The following GRHL3 variants were observed in gnomAD, a reference collection of about 807,000 sequenced individuals.
GRHL3 encodes the protein grainyhead like transcription factor 3, also known as grainyhead-like protein 3 homolog.
A neutral mutation model predicts 70.3 loss-of-function variants in GRHL3; 20 were observed. That is an observed-to-expected ratio of 0.28 (90% CI 0.20 to 0.41). GRHL3 has a LOEUF of 0.41. Ranked by LOEUF, GRHL3 falls within the 10% of genes least tolerant of loss-of-function variation. GRHL3 has a pLI of 1.00. For synonymous variants in GRHL3, 299 were observed against 299.9 expected (o/e 1.00, Z 0.03); for missense variants, 637 against 762.3 (o/e 0.84, Z 1.94).
rs1639172287 is a variant in GRHL3, at chr1:24,321,235, G to T, written c.17+1667G>T. Reference sequence around the variant, plus strand: ...GTTTCTTGCTTTTCTCCTCCCTAATGGTTTGGATTTGAAGTCAGATCCGCT... The same window carrying T: ...GTTTCTTGCTTTTCTCCTCCCTAATTGTTTGGATTTGAAGTCAGATCCGCT... On this transcript the variant is annotated intron_variant, in intron 1 of 15. Transcript: ENST00000361548. This position sits in a 1 kb window ranked among gnomAD's most constrained non-coding sequence, Gnocchi z 4.0. Among the ~76,000 whole-genome samples the T allele has an allele frequency of 6.6e-6, 1 of 152,188 alleles. No homozygotes were observed. The highest frequency in any genetic ancestry group is 2.4e-5 in the African/African-American group (1 of 41,428).
In GRHL3 at chr1:24,354,591, A is replaced by G; in HGVS notation, c.*103A>G. On this transcript the variant is annotated 3_prime_UTR_variant, in exon 16 of 16. Coordinates refer to ENST00000361548, the MANE Select transcript of GRHL3 (RefSeq NM_198173.3). Reference sequence around the variant, plus strand: ...CACATGCCTCAGCGCTGTTACTTGAATGCCTTCCCTGAGGGAAGAGGCCCT... The same window carrying G: ...CACATGCCTCAGCGCTGTTACTTGAGTGCCTTCCCTGAGGGAAGAGGCCCT... 1 of 730,138 alleles carries G rather than the reference A, an allele frequency of 1.4e-6. No individual in the cohort carries two copies. Among genetic ancestry groups the G allele is most frequent in the Non-Finnish European group, 2.4e-6 (1 of 418,438 alleles). The allele number at this position is 730,138 out of a possible 1,614,324, so 45.2% of individuals were successfully genotyped here. A position where few individuals can be genotyped will look rare whatever the true frequency, so the allele number is the denominator to read the frequency against.
chr1:24,348,535 G>T (rs187481921), intron 14 of GRHL3, among the ~76,000 whole-genome samples: 137 of 152,292 alleles, frequency 9.0e-4, no homozygotes, highest in African/African-American at 3.1e-3. Context: ...AGAGGCTTTG[G>T]GTTGGACAAT....
At chr1:24,361,730 T>C (rs1055145139) in intron 15 of GRHL3, among the ~76,000 whole-genome samples, 3 of 152,166 alleles carry the variant, frequency 2.0e-5, no homozygotes, top group African/African-American at 7.2e-5. Context: ...CTTCCCCTCC[T>C]TCCAGAAAGG....
At chr1:24,347,348 A>T in intron 13 of GRHL3, 120 bp from the exon 14 acceptor site, 1 of 863,518 alleles carries the variant, frequency 1.2e-6, no homozygotes, top group Non-Finnish European at 1.9e-6. Flanking sequence ...AGGGCCTCCC[A>T]GCTGGGCAAA....
At chr1:24,326,653 A>G (rs1167718184) in intron 1 of GRHL3, among the ~76,000 whole-genome samples, 3 of 152,188 alleles carry the variant, frequency 2.0e-5, no homozygotes, top group African/African-American at 7.2e-5. Context: ...TACTTGATAA[A>G]TATTTGTTAA....
chr1:24,344,792 C>A, intron 11 of GRHL3, 105 bp from the exon 12 acceptor site: 1 of 1,255,940 alleles, frequency 8.0e-7, no homozygotes, highest in Non-Finnish European at 1.2e-6. Context: ...ACAGTATTCT[C>A]CCCACCTCCC....
chr1:24,353,907 G>A (rs1302477528), intron 15 of GRHL3, among the ~76,000 whole-genome samples: 1 of 152,146 alleles, frequency 6.6e-6, no homozygotes, highest in Non-Finnish European at 1.5e-5. Flanking sequence ...AACTGGGAGG[G>A]GCTTGTGTGG....
chr1:24,346,417 C>A, intron 12 of GRHL3, 136 bp from the exon 13 acceptor site: 2 of 607,448 alleles, frequency 3.3e-6, no homozygotes, highest in Non-Finnish European at 5.9e-6. Flanking sequence ...GCTGCTTTAC[C>A]CCCACTGTCC....
At chr1:24,319,986 A>G in intron 1 of GRHL3, 3 of 256,158 alleles carry the variant, frequency 1.2e-5, no homozygotes, top group South Asian at 1.0e-4. Context: ...GTTTCTCTAA[A>G]GGGACTTGTT....
intron 15 of GRHL3, 132 bp from the exon 16 acceptor site, chr1:24,354,241 AG>A: frequency 1.6e-6 from 1 of 615,600 alleles, no homozygotes; most frequent in Non-Finnish European, 3.0e-6. Context: ...TGAGGATCAG[AG>A]GGAAGGTTTG....
At chr1:24,333,628 G>A (rs991218764) in intron 2 of GRHL3, among the ~76,000 whole-genome samples, 3 of 152,188 alleles carry the variant, frequency 2.0e-5, no homozygotes, top group Non-Finnish European at 4.4e-5. Flanking sequence ...CTGTACAGAT[G>A]AGGATATGAG....
chr1:24,343,823 T>G (rs1640141867), intron 11 of GRHL3, among the ~76,000 whole-genome samples: 1 of 152,202 alleles, frequency 6.6e-6, no homozygotes, highest in African/African-American at 2.4e-5. Context: ...CAAATGGACC[T>G]TGGTGTACAA....
intron 14 of GRHL3, among the ~76,000 whole-genome samples, chr1:24,349,042 G>A (rs1206084566): frequency 6.6e-6 from 1 of 152,234 alleles, no homozygotes; most frequent in Admixed American, 6.5e-5. Context: ...ACCACAGTGT[G>A]TGTACATCCT....
In GRHL3 at chr1:24,331,593, T is replaced by C; in HGVS notation, c.185T>C (p.Phe62Ser). ...GATGACAGTGTTGCGGCCTTGAGCT[T>C]CCTCTATGATTACTACATGGTACGT... is the stretch of plus-strand genomic sequence containing the variant. ...GDDDSVAALS[F>S]LYDYYMGPKE... The change falls in exon 2 of 16, where the codon TTC (phenylalanine) becomes TCC (serine). Residue 62 changes from phenylalanine to serine, a missense_variant. Phe to Ser is a radical substitution (Grantham distance 155). Around this residue, in one of 2 missense-constraint regions of GRHL3, gnomAD observed 250 missense variants for 248.6 expected, o/e 1.01. Transcript: ENST00000361548. 1 of 1,613,748 alleles carries C rather than the reference T, an allele frequency of 6.2e-7. No homozygotes were observed. Among genetic ancestry groups the C allele is most frequent in the Non-Finnish European group, 8.5e-7 (1 of 1,179,814 alleles).
Position 24,321,037 on chromosome 1 carries a change from A to G in GRHL3, c.17+1469A>G, listed in dbSNP as rs1639161858. Among the ~76,000 whole-genome samples, 1 of 152,236 alleles carries G rather than the reference A, an allele frequency of 6.6e-6. No individual in the cohort carries two copies. The highest frequency in any genetic ancestry group is 1.5e-5 in the Non-Finnish European group (1 of 68,046). ...ATGTAGAACTAACCAATCAATGAGC[A>G]TTCCCAAACCTCTTGCTATTTTTCC... On this transcript the variant is annotated intron_variant, in intron 1 of 15. Coordinates refer to ENST00000361548, the MANE Select transcript of GRHL3 (RefSeq NM_198173.3). The surrounding 1 kb of genome is among the most constrained non-coding windows in gnomAD (Gnocchi z 4.0).
chr1:24,342,889 C>A lies in GRHL3; in HGVS notation c.1286-3C>A, dbSNP rs1015969822. Reference sequence around the variant, plus strand: ...GGGCACATTGGCTTCCTTCTCCCATCAGGCGTCAAGGGCTGCCTGCTGTCG... The same window carrying A: ...GGGCACATTGGCTTCCTTCTCCCATAAGGCGTCAAGGGCTGCCTGCTGTCG... On this transcript the variant is annotated splice_polypyrimidine_tract_variant and splice_region_variant and intron_variant, in intron 10 of 15. Transcript: ENST00000361548. This position sits in a 1 kb window ranked among gnomAD's most constrained non-coding sequence, Gnocchi z 4.8. 4 of 1,614,196 alleles carry A rather than the reference C, an allele frequency of 2.5e-6. No homozygotes were observed. The highest frequency in any genetic ancestry group is 3.4e-6 in the Non-Finnish European group (4 of 1,180,026).
intron 1 of GRHL3, among the ~76,000 whole-genome samples, chr1:24,327,491 C>T (rs1456345410): frequency 3.3e-5 from 5 of 152,206 alleles, no homozygotes; most frequent in African/African-American, 1.2e-4. Context: ...TTAACAAACC[C>T]ATACACTGTG....
chr1:24,335,772 T>C lies in GRHL3; in HGVS notation c.267-710T>C, dbSNP rs141467702. Among the ~76,000 whole-genome samples the C allele has an allele frequency of 5.8e-3, 889 of 152,132 alleles. 4 individuals are homozygous for C. Among genetic ancestry groups the C allele is most frequent in the African/African-American group, 0.017 (711 of 41,512 alleles). On this transcript the variant is annotated intron_variant, in intron 3 of 15. Coordinates refer to ENST00000361548, the MANE Select transcript of GRHL3 (RefSeq NM_198173.3). ...TAATATTTTGTATTTTTAGTAGAGA[T>C]GGGGTTTCACCATATTAGCCAGGAT... is the stretch of plus-strand genomic sequence containing the variant.
At chr1:24,357,891 G>T (rs1013178858), downstream of GRHL3, 5 of 319,236 alleles carry the variant, frequency 1.6e-5, no homozygotes, top group Non-Finnish European at 3.1e-5. Flanking sequence ...CCCCGGGCCC[G>T]GCCACTGCCA....
Sources: allele counts gnomAD v4.1 joint callset (sites outside exome capture counted in the v4.1 genomes callset), GRCh38; gene constraint gnomAD v4.1.1; regional missense constraint gnomAD v4.1.1; non-coding constraint Gnocchi (gnomAD v3.1); transcripts MANE v1.5; gene names NCBI Gene and HGNC (gene_info 2026-07-23, HGNC 2026-07-21).